EPM2A: variants seen among roughly 807,000 people sequenced by gnomAD.
EPM2A encodes the protein EPM2A glucan phosphatase, laforin.
Under a neutral mutation model 26.5 loss-of-function variants are expected in EPM2A, and 21 were observed. The ratio of observed to expected loss-of-function variants is 0.79; its 90% CI spans 0.56 to 1.14. EPM2A has a LOEUF of 1.14. Ranked by LOEUF, EPM2A falls within the 50% of genes most tolerant of loss-of-function variation. The pLI is 0.00. For missense variants in EPM2A, 458 were observed against 440.8 expected (o/e 1.04, Z -0.35); for synonymous variants, 217 against 177.6 (o/e 1.22, Z -1.76).
intron 2 of EPM2A, among the ~76,000 whole-genome samples, chr6:145,574,852 A>G (rs1459994215): frequency 6.6e-6 from 1 of 151,988 alleles, no homozygotes; most frequent in Non-Finnish European, 1.5e-5. Context: ...GTCTGATCCA[A>G]CTCTATGTTC....
At chr6:145,730,491 G>A (rs151219962) in intron 1 of EPM2A, among the ~76,000 whole-genome samples, 16 of 152,276 alleles carry the variant, frequency 1.1e-4, no homozygotes, top group African/African-American at 3.6e-4. Flanking sequence ...TCCAATTTAG[G>A]CATATAGTCC....
chr6:145,554,422 TGATA>T (rs34637179), intron 2 of EPM2A, among the ~76,000 whole-genome samples: 47,237 of 145,948 alleles, frequency 0.32, 7,658 homozygotes, highest in Middle Eastern at 0.41. Flanking sequence ...GATAGATAGA[TGATA>T]GATAGATAGA....
At chr6:145,686,523 G>A (rs1215223649) in intron 1 of EPM2A, among the ~76,000 whole-genome samples, 1 of 152,040 alleles carries the variant, frequency 6.6e-6, no homozygotes, top group Non-Finnish European at 1.5e-5. Context: ...GAGTACATGG[G>A]TTATAAAAAG....
chr6:145,491,762 T>G, intron 4 of EPM2A: 1 of 531,392 alleles, frequency 1.9e-6, no homozygotes, highest in Middle Eastern at 3.3e-4. Context: ...CTAGCATTTG[T>G]ACAACTCTGC....
At chr6:145,440,093 G>A (rs1218146360) in intron 4 of EPM2A, among the ~76,000 whole-genome samples, 1 of 152,132 alleles carries the variant, frequency 6.6e-6, no homozygotes, top group African/African-American at 2.4e-5. Context: ...CCGTTTTCAT[G>A]CTGCTAATGA....
chr6:145,502,658 A>C, intron 2 of EPM2A: 1 of 459,794 alleles, frequency 2.2e-6, no homozygotes, highest in South Asian at 1.6e-5. Context: ...ATTCAGTCTT[A>C]GGAAACACCT....
chr6:145,444,965 C>A (rs1779112537), intron 4 of EPM2A, among the ~76,000 whole-genome samples: 1 of 150,962 alleles, frequency 6.6e-6, no homozygotes, highest in African/African-American at 2.4e-5. Flanking sequence ...AGTGTGTGTT[C>A]CATTAGTTTA....
intron 2 of EPM2A, among the ~76,000 whole-genome samples, chr6:145,616,060 GAC>G (rs1285201836): frequency 1.3e-5 from 2 of 152,222 alleles, no homozygotes; most frequent in Non-Finnish European, 2.9e-5. Context: ...GAATACCCAA[GAC>G]AATGGGGAAA....
At chr6:145,714,974 G>A (rs1238371096) in intron 1 of EPM2A, among the ~76,000 whole-genome samples, 3 of 152,272 alleles carry the variant, frequency 2.0e-5, no homozygotes, top group South Asian at 4.2e-4. Context: ...GGTAATAGTC[G>A]TGGTGATGGG....
At chr6:145,522,811 T>C (rs1169036150) in intron 2 of EPM2A, among the ~76,000 whole-genome samples, 1 of 151,800 alleles carries the variant, frequency 6.6e-6, no homozygotes, top group Non-Finnish European at 1.5e-5. Flanking sequence ...ATCACCCATG[T>C]TGAACTACAA....
chr6:145,716,031 T>C (rs186581369), intron 1 of EPM2A, among the ~76,000 whole-genome samples: 1 of 152,288 alleles, frequency 6.6e-6, no homozygotes, highest in East Asian at 1.9e-4. Context: ...GCCAGAAAGG[T>C]TAGGGACCAC....
chr6:145,607,113 GC>G (rs1775280701), intron 2 of EPM2A, among the ~76,000 whole-genome samples: 2 of 152,232 alleles, frequency 1.3e-5, no homozygotes, highest in South Asian at 4.1e-4. Context: ...CCTGAGCTGA[GC>G]CTCCAAACCA....
intron 2 of EPM2A, among the ~76,000 whole-genome samples, chr6:145,592,473 T>G (rs1040456045): frequency 7.2e-5 from 11 of 152,138 alleles, no homozygotes; most frequent in Non-Finnish European, 1.6e-4. Flanking sequence ...ATAAACATAC[T>G]TGTGCATGTG....
intron 2 of EPM2A, among the ~76,000 whole-genome samples, chr6:145,508,051 C>G (rs1020992308): frequency 6.6e-6 from 1 of 152,140 alleles, no homozygotes; most frequent in Non-Finnish European, 1.5e-5. Context: ...TGCCAAAGCC[C>G]CCTTGAGTCA....
At chr6:145,459,398 A>G (rs1779300896) in intron 4 of EPM2A, among the ~76,000 whole-genome samples, 2 of 152,200 alleles carry the variant, frequency 1.3e-5, no homozygotes, top group Non-Finnish European at 2.9e-5. Context: ...TTTGAGAATC[A>G]TGCTCGAAAA....
At chr6:145,621,915 C>T (rs1170965270), downstream of EPM2A, among the ~76,000 whole-genome samples, 2 of 152,090 alleles carry the variant, frequency 1.3e-5, no homozygotes, top group Non-Finnish European at 2.9e-5. Flanking sequence ...TTTCTTGTTT[C>T]TGTTACTGTG....
intron 2 of EPM2A, among the ~76,000 whole-genome samples, chr6:145,617,885 A>G (rs547811487): frequency 6.6e-6 from 1 of 152,326 alleles, no homozygotes; most frequent in South Asian, 2.1e-4. Flanking sequence ...AGAGGCTGCA[A>G]TGAGCTGTTA....
At chr6:145,494,362 G>T (rs1282364570) in intron 4 of EPM2A, among the ~76,000 whole-genome samples, 2 of 151,832 alleles carry the variant, frequency 1.3e-5, no homozygotes, top group Admixed American at 1.3e-4. Flanking sequence ...TGTTTATTTG[G>T]ATCTTCTCTC....
chr6:145,558,944 T>A (rs1190118383), intron 2 of EPM2A, among the ~76,000 whole-genome samples: 7 of 152,060 alleles, frequency 4.6e-5, no homozygotes, highest in Non-Finnish European at 7.4e-5. Context: ...GTGCATCAAG[T>A]TCCATCATTA....
Sources: gnomAD v4.1 joint callset for allele counts (sites outside exome capture counted in the v4.1 genomes callset) on GRCh38, gnomAD v4.1.1 for gene constraint, MANE v1.5 for transcripts, NCBI Gene and HGNC (gene_info 2026-07-23, HGNC 2026-07-21) for gene names.